Variants in GLE1 observed in about 807,000 individuals in gnomAD.
The protein encoded by GLE1 is GLE1 RNA export mediator.
Under a neutral mutation model 97.3 loss-of-function variants are expected in GLE1, and 78 were observed. That is an observed-to-expected ratio of 0.80 (90% CI 0.67 to 0.97). The LOEUF (loss-of-function observed/expected upper bound fraction) is 0.97. GLE1 is among the 50% of genes least tolerant of loss of function. The pLI is 0.00. For synonymous variants in GLE1, 302 were observed against 313.4 expected (o/e 0.96, Z 0.39); for missense variants, 753 against 857.5 (o/e 0.88, Z 1.52).
intron 9 of GLE1, among the ~76,000 whole-genome samples, chr9:128,529,743 C>T (rs1847426507): frequency 6.6e-6 from 1 of 151,476 alleles, no homozygotes. Context: ...GTTTCTTAGT[C>T]TTCTACCCCA....
rs1847336155 is a variant in GLE1 at position 128,527,476 on chromosome 9, C to T, written c.1263C>T (p.Asp421=). ...KDSQAKKIKM[D]LQKAATIPVS... Reference sequence around the variant, plus strand: ...GGCAGGCCAAAAAGATAAAGATGGACCTCCAGAAGGCTGCTACCATCCCAG... The same window carrying T: ...GGCAGGCCAAAAAGATAAAGATGGATCTCCAGAAGGCTGCTACCATCCCAG... Residue 421 remains aspartate, a synonymous_variant, in exon 9 of 16, where the codon GAC becomes GAT. Transcript: ENST00000309971. 1 of 1,613,104 alleles carries T rather than the reference C, an allele frequency of 6.2e-7. No individual in the cohort carries two copies. The highest frequency in any genetic ancestry group is 2.2e-5 in the East Asian group (1 of 44,874).
chr9:128,531,638 G>A (rs1847511328), intron 9 of GLE1, among the ~76,000 whole-genome samples: 1 of 151,284 alleles, frequency 6.6e-6, no homozygotes, highest in Non-Finnish European at 1.5e-5. Context: ...TTGAGATCAG[G>A]CTGGCCAACA....
intron 3 of GLE1, among the ~76,000 whole-genome samples, chr9:128,516,513 GT>G (rs753743774): frequency 1.3e-4 from 19 of 151,536 alleles, no homozygotes; most frequent in Non-Finnish European, 2.5e-4. Flanking sequence ...TGGAGACAGG[GT>G]TTTGCCGTGT....
At chr9:128,521,562 ATAAT>A (rs1847153551) in intron 3 of GLE1, among the ~76,000 whole-genome samples, 1 of 152,196 alleles carries the variant, frequency 6.6e-6, no homozygotes, top group African/African-American at 2.4e-5. Context: ...AAAATAAAAT[ATAAT>A]TATGTTTTAA....
At chr9:128,507,126 C>G (rs1197188131) in intron 1 of GLE1, among the ~76,000 whole-genome samples, 2 of 152,060 alleles carry the variant, frequency 1.3e-5, no homozygotes, top group African/African-American at 4.8e-5. Context: ...ATTTACAAAC[C>G]AAGATCTGGT....
rs142336805 is a variant in GLE1 at position 128,523,814 on chromosome 9, C to G, written c.865C>G (p.Leu289Val). 2 of 1,614,046 alleles carry G rather than the reference C, an allele frequency of 1.2e-6. No homozygotes were observed. Among genetic ancestry groups the G allele is most frequent in the East Asian group, 2.2e-5 (1 of 44,854 alleles). ...GACCCGAGGCAACCAGCTGTGCAGC[C>G]TCATCTCAGGGATCATCCGGGCCTC... ...FQTRGNQLCS[L>V]ISGIIRASSE... Residue 289 changes from leucine to valine, a missense_variant, in exon 6 of 16, where the codon CTC becomes GTC. Coordinates refer to ENST00000309971, the MANE Select transcript of GLE1 (RefSeq NM_001003722.2).
Position 128,522,762 on chromosome 9 carries a change from A to G in GLE1, c.527A>G (p.Lys176Arg), listed in dbSNP as rs1847190844. 1 of 1,613,878 alleles carries G rather than the reference A, an allele frequency of 6.2e-7. No individual in the cohort carries two copies. The highest frequency in any genetic ancestry group is 1.1e-5 in the South Asian group (1 of 91,070). ...SEQLKRFDEWKELKQHKEFQD... is the reference protein window; with the variant it reads ...SEQLKRFDEWRELKQHKEFQD... ...CAACTGAAGCGGTTTGATGAATGGA[A>G]GGAACTGAAGCAGCATAAAGAATTC... The change falls in exon 4 of 16, where the codon AAG (lysine) becomes AGG (arginine). Residue 176 changes from lysine (K) to arginine (R), a missense_variant. Transcript: ENST00000309971.
intron 11 of GLE1, among the ~76,000 whole-genome samples, chr9:128,534,282 T>G (rs559650355): frequency 6.6e-6 from 1 of 152,072 alleles, no homozygotes; most frequent in Non-Finnish European, 1.5e-5. Flanking sequence ...GGCACGAGAA[T>G]TGCTTGAACC....
At chr9:128,514,382 C>G (rs1846916793) in intron 2 of GLE1, among the ~76,000 whole-genome samples, 1 of 146,988 alleles carries the variant, frequency 6.8e-6, no homozygotes, top group African/African-American at 2.5e-5. Flanking sequence ...CAAAGATGAA[C>G]TCTGGCCTTC....
At chr9:128,540,945 T>A in intron 15 of GLE1, 157 bp from the exon 16 acceptor site, 1 of 660,490 alleles carries the variant, frequency 1.5e-6, no homozygotes, top group East Asian at 2.7e-5. Context: ...GAAGTGGACA[T>A]CTTATACAGA....
intron 2 of GLE1, among the ~76,000 whole-genome samples, chr9:128,509,509 C>T (rs1846741326): frequency 6.6e-6 from 1 of 151,846 alleles, no homozygotes; most frequent in Non-Finnish European, 1.5e-5. Context: ...TGTTTTGTCC[C>T]TGCCTCTGTT....
At position 128,523,686 on chromosome 9, in the gene GLE1, G is replaced by T; in HGVS notation, c.737G>T (p.Arg246Leu). ...LRKEEGQIRL[R>L]ALYALQEEML... ...AAGGAAGAAGGCCAGATCCGCCTGC[G>T]GGCCCTCTATGCTCTGCAGGAGGAG... The change falls in exon 6 of 16, where the codon CGG becomes CTG. Residue 246 changes from arginine to leucine, a missense_variant. Physicochemically the swap from Arg to Leu is moderately radical, Grantham distance 102. Transcript: ENST00000309971. 1 of 1,614,032 alleles carries T rather than the reference G, an allele frequency of 6.2e-7. No homozygotes were observed. Among genetic ancestry groups the T allele is most frequent in the Non-Finnish European group, 8.5e-7 (1 of 1,179,984 alleles).
At chr9:128,534,003 T>A in intron 11 of GLE1, 52 bp downstream of exon 11, 1 of 1,163,836 alleles carries the variant, frequency 8.6e-7, no homozygotes, top group Non-Finnish European at 1.3e-6. Flanking sequence ...TAATGAAATA[T>A]AAATAGAATT....
intron 3 of GLE1, among the ~76,000 whole-genome samples, chr9:128,519,059 G>A (rs1847065320): frequency 6.6e-6 from 1 of 152,094 alleles, no homozygotes; most frequent in Non-Finnish European, 1.5e-5. Context: ...AGATTTCATG[G>A]ACACTTATCA....
intron 3 of GLE1, among the ~76,000 whole-genome samples, chr9:128,522,060 AT>A (rs1847167419): frequency 6.6e-6 from 1 of 152,196 alleles, no homozygotes; most frequent in Non-Finnish European, 1.5e-5. Context: ...ATTTCCGTAA[AT>A]TACCAATGAA....
At chr9:128,532,282 T>G (rs1488173873) in intron 9 of GLE1, among the ~76,000 whole-genome samples, 2 of 126,102 alleles carry the variant, frequency 1.6e-5, no homozygotes, top group African/African-American at 6.0e-5. Flanking sequence ...TGGAGTGCAG[T>G]GGCACAATCT....
intron 9 of GLE1, among the ~76,000 whole-genome samples, chr9:128,527,780 A>G (rs1847346153): frequency 6.6e-6 from 1 of 151,790 alleles, no homozygotes; most frequent in Non-Finnish European, 1.5e-5. Context: ...CCTAACCAAC[A>G]TAGTGAAACC....
At chr9:128,510,446 C>A (rs1229528535) in intron 2 of GLE1, among the ~76,000 whole-genome samples, 2 of 151,050 alleles carry the variant, frequency 1.3e-5, no homozygotes, top group African/African-American at 4.9e-5. Context: ...CCTGGCTGTT[C>A]TCAAACTCCT....
At chr9:128,507,442 G>C (rs189948968) in intron 1 of GLE1, among the ~76,000 whole-genome samples, 1 of 152,178 alleles carries the variant, frequency 6.6e-6, no homozygotes, top group East Asian at 1.9e-4. Context: ...AAATTAACCA[G>C]GTGTGGTGGT....
Sources: gnomAD v4.1 joint callset for allele counts (sites outside exome capture counted in the v4.1 genomes callset) on GRCh38, gnomAD v4.1.1 for gene constraint, MANE v1.5 for transcripts, NCBI Gene and HGNC (gene_info 2026-07-23, HGNC 2026-07-21) for gene names.